SNX29: variants seen among roughly 807,000 people sequenced by gnomAD.
SNX29 encodes sorting nexin 29, also known as sorting nexin-29.
In SNX29, 78 loss-of-function variants were observed where a neutral mutation model predicts 102.1. That is an observed-to-expected ratio of 0.76 (90% CI 0.64 to 0.92). The LOEUF is 0.92. Ranked by LOEUF, SNX29 falls within the 40% of genes least tolerant of loss-of-function variation. The pLI is 0.00. For synonymous variants in SNX29, 580 were observed against 414.5 expected (o/e 1.40, Z -4.85); for missense variants, 1,280 against 1,061.7 (o/e 1.21, Z -2.86).
At position 12,570,990 on chromosome 16, in the gene SNX29, A is replaced by G. The variant is rs560180558; in HGVS notation, c.*2361A>G. On this transcript the variant is annotated 3_prime_UTR_variant, in exon 21 of 21. Transcript: ENST00000566228. ...TGCTCCTGGTACCTCCCCCATGATC[A>G]TGCACAGACCGTAGAGTCGAGTCAT... 30 of 232,592 alleles carry G rather than the reference A, an allele frequency of 1.3e-4. No homozygotes were observed. Among genetic ancestry groups the G allele is most frequent in the African/African-American group, 6.4e-4 (29 of 45,426 alleles). The allele number at this position is 232,592 out of a possible 1,614,324, so 14.4% of individuals were successfully genotyped here. A position where few individuals can be genotyped will look rare whatever the true frequency, so the allele number is the denominator to read the frequency against.
chr16:12,331,743 C>T (rs1189168797), intron 15 of SNX29, among the ~76,000 whole-genome samples: 4 of 152,068 alleles, frequency 2.6e-5, no homozygotes, highest in South Asian at 2.1e-4. Flanking sequence ...GTAGAGATGT[C>T]GTTTCACCAT....
intron 20 of SNX29, among the ~76,000 whole-genome samples, chr16:12,559,708 A>G (rs1311943116): frequency 1.3e-5 from 2 of 152,120 alleles, no homozygotes; most frequent in South Asian, 2.1e-4. Flanking sequence ...CCCATCTCCC[A>G]TGGTGAGAAC....
intron 14 of SNX29, among the ~76,000 whole-genome samples, chr16:12,210,476 C>G (rs1297610145): frequency 6.6e-6 from 1 of 151,634 alleles, no homozygotes; most frequent in Non-Finnish European, 1.5e-5. Flanking sequence ...GCACTGGTGT[C>G]CACCATCACT....
chr16:12,456,789 T>A (rs1336089928), intron 18 of SNX29, among the ~76,000 whole-genome samples: 4 of 152,064 alleles, frequency 2.6e-5, no homozygotes. Flanking sequence ...GCATTGGGAT[T>A]GTGAGCTTTT....
rs1019235328 is a variant in SNX29 at position 12,570,243 on chromosome 16, A to T, written c.*1614A>T. On this transcript the variant is annotated 3_prime_UTR_variant, in exon 21 of 21. Transcript: ENST00000566228. ...GATAAGCCCTGCCCCGGTGAGACCA[A>T]ATGAGCTGGAGCATGTATGGAGGTG... 9.4e-7 allele frequency: 1 copy of T among 1,065,056 alleles called. No homozygotes were observed. The highest frequency in any genetic ancestry group is 1.6e-5 in the African/African-American group (1 of 61,070). 66.0% of individuals were successfully genotyped at this position (1,065,056 alleles called of 1,614,324 possible).
chr16:12,539,233 C>T (rs111529437), intron 20 of SNX29, among the ~76,000 whole-genome samples: 111 of 152,302 alleles, frequency 7.3e-4, no homozygotes, highest in African/African-American at 2.6e-3. Context: ...AGACCAGTTC[C>T]TTCACCCTAA....
intron 15 of SNX29, among the ~76,000 whole-genome samples, chr16:12,345,686 T>G (rs905123947): frequency 1.3e-5 from 2 of 152,132 alleles, no homozygotes; most frequent in Admixed American, 6.5e-5. Context: ...AACTGAGATT[T>G]GAGTGACGTT....
At chr16:12,003,942 T>G (rs1370726036) in intron 3 of SNX29, among the ~76,000 whole-genome samples, 2 of 151,560 alleles carry the variant, frequency 1.3e-5, no homozygotes, top group African/African-American at 2.4e-5. Flanking sequence ...AGGCTAATTT[T>G]GGGGAAAATT....
intron 13 of SNX29, among the ~76,000 whole-genome samples, chr16:12,134,878 G>A (rs350285): frequency 0.67 from 101,820 of 152,084 alleles, 35,226 homozygotes; most frequent in East Asian, 0.91. Flanking sequence ...GGGGTTTATC[G>A]TAAGGTATTG....
chr16:12,512,062 G>A (rs980320005), intron 19 of SNX29, among the ~76,000 whole-genome samples: 4 of 151,920 alleles, frequency 2.6e-5, no homozygotes, highest in Admixed American at 1.3e-4. Context: ...CGGATGGGAT[G>A]GGGGAGAGTC....
chr16:12,165,689 T>C (rs1247864729), intron 13 of SNX29, among the ~76,000 whole-genome samples: 2 of 152,174 alleles, frequency 1.3e-5, no homozygotes, highest in Non-Finnish European at 2.9e-5. Flanking sequence ...GCCTCCCGAG[T>C]AGCTGGGATT....
At position 12,535,472 on chromosome 16, in the gene SNX29, G is replaced by C. The variant is rs932766811; in HGVS notation, c.2318+10631G>C. 4.6e-5 allele frequency among the ~76,000 whole-genome samples: 7 copies of C among 152,334 alleles called. No individual in the cohort carries two copies. The South Asian group carries it at 1.5e-3, about 32-fold the overall frequency. On this transcript the variant is annotated intron_variant, in intron 20 of 20. Transcript: ENST00000566228. The stretch of plus-strand genomic sequence containing the variant: ...AACACATCCTTTCTTTGAGGTTAGT[G>C]TTACTGTCCCTTTTTTCCAGATGAG...
rs115565814 is a variant in SNX29, at chr16:12,112,845, C to T, written c.1403-13788C>T. 3.4e-3 allele frequency among the ~76,000 whole-genome samples: 514 copies of T among 152,304 alleles called. 5 individuals carry two copies. The highest frequency in any genetic ancestry group is 0.012 in the African/African-American group (482 of 41,550). Reference sequence around the variant, plus strand: ...TGGGTACAGCTGGATGTATAATTGCCATTCTCTTCCTGCCGGAGGAGGATG... The same window carrying T: ...TGGGTACAGCTGGATGTATAATTGCTATTCTCTTCCTGCCGGAGGAGGATG... On this transcript the variant is annotated intron_variant, in intron 11 of 20. Transcript: ENST00000566228.
chr16:12,153,955 G>C (rs2055418048), intron 13 of SNX29, among the ~76,000 whole-genome samples: 1 of 152,186 alleles, frequency 6.6e-6, no homozygotes, highest in African/African-American at 2.4e-5. Context: ...TTGAATTATG[G>C]AGACGGTGTC....
intron 18 of SNX29, among the ~76,000 whole-genome samples, chr16:12,428,936 C>G (rs55645751): frequency 6.6e-6 from 1 of 151,938 alleles, no homozygotes; most frequent in African/African-American, 2.4e-5. Context: ...ACGATTGCAA[C>G]TAATATCTCC....
At chr16:12,074,731 G>T (rs532887570) in intron 10 of SNX29, among the ~76,000 whole-genome samples, 2 of 152,250 alleles carry the variant, frequency 1.3e-5, no homozygotes, top group South Asian at 4.1e-4. Context: ...GATTGGGGAC[G>T]TTCTCCTGGA....
chr16:12,377,522 AGGCTCCT>A (rs2082920453), intron 16 of SNX29, among the ~76,000 whole-genome samples: 1 of 152,226 alleles, frequency 6.6e-6, no homozygotes, highest in African/African-American at 2.4e-5. Context: ...GCAGTCTCCC[AGGCTCCT>A]GGAAAGAGAG....
At chr16:12,467,924 C>T (rs2087135752) in intron 18 of SNX29, among the ~76,000 whole-genome samples, 1 of 152,134 alleles carries the variant, frequency 6.6e-6, no homozygotes, top group African/African-American at 2.4e-5. Context: ...CAGGGCACTC[C>T]AGGCAGAGGG....
chr16:12,250,314 T>G (rs896938398), intron 14 of SNX29, among the ~76,000 whole-genome samples: 5 of 152,146 alleles, frequency 3.3e-5, no homozygotes, highest in African/African-American at 1.2e-4. Flanking sequence ...CCTTTTGCAA[T>G]TTTCAGTCTG....
Sources: gnomAD v4.1 joint callset for allele counts (sites outside exome capture counted in the v4.1 genomes callset) on GRCh38, gnomAD v4.1.1 for gene constraint, MANE v1.5 for transcripts, NCBI Gene and HGNC (gene_info 2026-07-23, HGNC 2026-07-21) for gene names.